The following GDI2 variants were observed in gnomAD, a reference collection of about 807,000 sequenced individuals.
GDI2 encodes GDP dissociation inhibitor 2, also known as rab GDP dissociation inhibitor beta.
A neutral mutation model predicts 54.2 loss-of-function variants in GDI2; 22 were observed. That is an observed-to-expected ratio of 0.41 (90% CI 0.29 to 0.58). The LOEUF (loss-of-function observed/expected upper bound fraction) is 0.58, where lower values mean the gene tolerates loss of function less well. Ranked by LOEUF, GDI2 falls within the 20% of genes least tolerant of loss-of-function variation. The pLI is 0.35. For missense variants in GDI2, 422 were observed against 546.0 expected, an observed-to-expected ratio of 0.77 and a Z score of 2.26; for synonymous variants, 177 against 182.1, an observed-to-expected ratio of 0.97 and a Z score of 0.23.
intron 1 of GDI2, among the ~76,000 whole-genome samples, chr10:5,802,386 G>T (rs936943805): frequency 1.3e-5 from 2 of 152,094 alleles, no homozygotes; most frequent in Non-Finnish European, 2.9e-5. Context: ...GGATCACAAG[G>T]TCAGGAGATT....
At chr10:5,792,075 T>G (rs893784086) in intron 4 of GDI2, among the ~76,000 whole-genome samples, 1 of 152,138 alleles carries the variant, frequency 6.6e-6, no homozygotes, top group Non-Finnish European at 1.5e-5. Flanking sequence ...AAGTATTTAC[T>G]TTGGAAAAAA....
At chr10:5,800,825 G>C in intron 1 of GDI2, 120 bp from the exon 2 acceptor site, 1 of 660,352 alleles carries the variant, frequency 1.5e-6, no homozygotes, top group Non-Finnish European at 2.7e-6. Flanking sequence ...CATGCAACAT[G>C]ACATAATTTA....
Position 5,773,735 on chromosome 10 carries a change from C to T in GDI2, c.819+107G>A, listed in dbSNP as rs1165850718. On this transcript the variant is annotated intron_variant, in intron 7 of 10. Transcript: ENST00000380191. The stretch of plus-strand genomic sequence containing the variant: ...CTTAGTCACAATAAATACTAACTTC[C>T]CATACAGAAATCATATGCATCAGTG... 2.1e-5 allele frequency: 14 copies of T among 666,764 alleles called. No homozygotes were observed. In the East Asian group the frequency reaches 3.4e-4, roughly 16 times the overall value. 41.3% of individuals were successfully genotyped at this position (666,764 alleles called of 1,614,324 possible). A position where few individuals can be genotyped will look rare whatever the true frequency, so the allele number is the denominator to read the frequency against.
At chr10:5,801,729 G>A (rs560897591) in intron 1 of GDI2, among the ~76,000 whole-genome samples, 2 of 151,780 alleles carry the variant, frequency 1.3e-5, no homozygotes, top group East Asian at 3.9e-4. Flanking sequence ...TAACTTTATT[G>A]GCCAGGCATG....
rs536327626 is a variant in GDI2, at chr10:5,802,594, T to C, written c.46-1889A>G. ...AGCCTGGTGTCAGAGCAAGACTCCA[T>C]CTCAAAAAAAAAAAAAGAATTATGG... is the stretch of plus-strand genomic sequence containing the variant. On this transcript the variant is annotated intron_variant, in intron 1 of 10. Coordinates refer to ENST00000380191, the MANE Select transcript of GDI2 (RefSeq NM_001494.4). Among the ~76,000 whole-genome samples, 3 of 17,132 alleles carry C rather than the reference T, an allele frequency of 1.8e-4. No homozygotes were observed. The South Asian group carries it at 0.01, about 58-fold the overall frequency. 11.2% of individuals were successfully genotyped at this position (17,132 alleles called of 152,430 possible).
intron 1 of GDI2, among the ~76,000 whole-genome samples, chr10:5,807,605 CA>C (rs1185086525): frequency 6.6e-6 from 1 of 152,232 alleles, no homozygotes; most frequent in Non-Finnish European, 1.5e-5. Flanking sequence ...ATGACACTAG[CA>C]TCTGCCACCC....
intron 4 of GDI2, among the ~76,000 whole-genome samples, chr10:5,790,313 C>T (rs1320646441): frequency 6.6e-6 from 1 of 152,110 alleles, no homozygotes; most frequent in African/African-American, 2.4e-5. Flanking sequence ...ACTGTCTTTT[C>T]TATAGCTTAC....
chr10:5,794,189 ATATAT>A (rs1424185585), intron 4 of GDI2, among the ~76,000 whole-genome samples: 768 of 33,718 alleles, frequency 0.023, 7 homozygotes, highest in Middle Eastern at 0.059. Flanking sequence ...AAAAAAAAAA[ATATAT>A]ATATATATAT....
chr10:5,770,390 GTC>G (rs1840459587), intron 7 of GDI2, among the ~76,000 whole-genome samples: 1 of 150,872 alleles, frequency 6.6e-6, no homozygotes, highest in African/African-American at 2.4e-5. Context: ...GGGAAACCCT[GTC>G]TCTACTAAAA....
At chr10:5,777,308 A>G (rs1002943570) in intron 6 of GDI2, among the ~76,000 whole-genome samples, 1 of 152,204 alleles carries the variant, frequency 6.6e-6, no homozygotes, top group Non-Finnish European at 1.5e-5. Flanking sequence ...CACTATCTCC[A>G]CAAAAAATAC....
At chr10:5,784,800 G>A (rs1282815691) in intron 6 of GDI2, among the ~76,000 whole-genome samples, 4 of 152,362 alleles carry the variant, frequency 2.6e-5, no homozygotes, top group Non-Finnish European at 5.9e-5. Context: ...TCTCTCAGGC[G>A]TGGATACCAG....
At chr10:5,771,416 C>A (rs1248857025) in intron 7 of GDI2, among the ~76,000 whole-genome samples, 3 of 152,192 alleles carry the variant, frequency 2.0e-5, no homozygotes, top group African/African-American at 7.2e-5. Context: ...TGGCAGACAT[C>A]ACGAAATTAT....
At chr10:5,773,980 T>C (rs2131685226) in intron 6 of GDI2, 39 bp from the exon 7 acceptor site, 1 of 814,114 alleles carries the variant, frequency 1.2e-6, no homozygotes, top group East Asian at 2.4e-5. Flanking sequence ...AATATATAGT[T>C]GTTTCAACTC....
intron 6 of GDI2, among the ~76,000 whole-genome samples, chr10:5,780,242 A>C (rs1425406030): frequency 6.6e-6 from 1 of 150,600 alleles, no homozygotes; most frequent in Non-Finnish European, 1.5e-5. Flanking sequence ...ACAAACAAAA[A>C]AACAGACCAA....
At chr10:5,800,311 T>G (rs549432918) in intron 2 of GDI2, among the ~76,000 whole-genome samples, 1 of 152,060 alleles carries the variant, frequency 6.6e-6, no homozygotes, top group South Asian at 2.1e-4. Flanking sequence ...AGAAAATAAA[T>G]AAAGCCATGA....
intron 4 of GDI2, among the ~76,000 whole-genome samples, chr10:5,792,473 T>C (rs1841039524): frequency 6.6e-6 from 1 of 152,190 alleles, no homozygotes; most frequent in Admixed American, 6.5e-5. Context: ...CCTCTCCACC[T>C]TTCCTTACCC....
chr10:5,803,576 G>C (rs914417798), intron 1 of GDI2, among the ~76,000 whole-genome samples: 6 of 152,162 alleles, frequency 3.9e-5, no homozygotes, highest in African/African-American at 1.4e-4. Context: ...TCAAGGTCCT[G>C]AATTTTTTAG....
intron 1 of GDI2, among the ~76,000 whole-genome samples, chr10:5,805,079 G>A (rs550198762): frequency 1.3e-5 from 2 of 152,024 alleles, no homozygotes; most frequent in East Asian, 1.9e-4. Flanking sequence ...TGATCCACCC[G>A]CATCAGCCTC....
Position 5,768,071 on chromosome 10 carries a change from A to C in GDI2, c.991+142T>G. 1.6e-6 allele frequency: 1 copy of C among 625,858 alleles called. No homozygotes were observed. The highest frequency in any genetic ancestry group is 2.8e-6 in the Non-Finnish European group (1 of 356,532). The allele number at this position is 625,858 out of a possible 1,614,324, so 38.8% of individuals were successfully genotyped here. ...GACACAATGCTGCCGGAGCAGGAGG[A>C]GGTACAAAGATTTTTTTCCCCCATA... On this transcript the variant is annotated intron_variant, in intron 8 of 10. Coordinates refer to ENST00000380191, the MANE Select transcript of GDI2 (RefSeq NM_001494.4). The surrounding 1 kb of genome is among the most constrained non-coding windows in gnomAD (Gnocchi z 4.4).
Sources: gnomAD v4.1 joint callset for allele counts (sites outside exome capture counted in the v4.1 genomes callset) on GRCh38, gnomAD v4.1.1 for gene constraint, Gnocchi (gnomAD v3.1) non-coding constraint, MANE v1.5 for transcripts, NCBI Gene and HGNC (gene_info 2026-07-23, HGNC 2026-07-21) for gene names.